RNF182: variants seen among roughly 807,000 people sequenced by gnomAD.
RNF182 encodes the protein ring finger protein 182, also known as E3 ubiquitin-protein ligase RNF182.
RNF182 carries 15 observed loss-of-function variants against 14.4 expected under a neutral mutation model. The ratio of observed to expected loss-of-function variants is 1.04; its 90% CI spans 0.70 to 1.60. The LOEUF is 1.60. Ranked by LOEUF, RNF182 falls within the 40% of genes most tolerant of loss-of-function variation. RNF182 has a pLI of 0.00. For synonymous variants in RNF182, 128 were observed against 122.9 expected (o/e 1.04, Z -0.27); for missense variants, 268 against 294.8 (o/e 0.91, Z 0.67).
intron 1 of RNF182, 28 bp from the exon 2 acceptor site, chr6:13,974,182 A>G (rs1483306424): frequency 6.6e-6 from 1 of 152,042 alleles, no homozygotes; most frequent in African/African-American, 2.4e-5. Context: ...AAGAGGAACA[A>G]TCACCATGCT....
chr6:13,966,575 C>A (rs541103462), intron 1 of RNF182, among the ~76,000 whole-genome samples: 2 of 152,178 alleles, frequency 1.3e-5, no homozygotes, highest in East Asian at 3.9e-4. Context: ...CCAGCCTGGG[C>A]AACATGGCAA....
chr6:13,968,295 A>G (rs1180804513), intron 1 of RNF182, among the ~76,000 whole-genome samples: 1 of 152,208 alleles, frequency 6.6e-6, no homozygotes, highest in Non-Finnish European at 1.5e-5. Flanking sequence ...GGAACTCTAC[A>G]GCAATGAATT....
chr6:13,956,770 T>C (rs767059928), intron 1 of RNF182, among the ~76,000 whole-genome samples: 7 of 152,198 alleles, frequency 4.6e-5, no homozygotes, highest in Non-Finnish European at 7.3e-5. Flanking sequence ...ACGGCTGAGC[T>C]CTTTTTCTCT....
intron 2 of RNF182, among the ~76,000 whole-genome samples, chr6:13,975,663 T>C (rs1453297250): frequency 6.6e-6 from 1 of 152,198 alleles, no homozygotes; most frequent in Admixed American, 6.5e-5. Flanking sequence ...TTTAAAGTTA[T>C]CCAGATTCAG....
intron 1 of RNF182, among the ~76,000 whole-genome samples, chr6:13,963,207 C>T (rs1170685728): frequency 2.0e-5 from 3 of 152,100 alleles, no homozygotes; most frequent in Non-Finnish European, 4.4e-5. Flanking sequence ...TGGAAGAATA[C>T]ATAGAAACTG....
intron 1 of RNF182, among the ~76,000 whole-genome samples, chr6:13,934,936 G>A (rs1471689926): frequency 6.6e-6 from 1 of 152,170 alleles, no homozygotes; most frequent in African/African-American, 2.4e-5. Flanking sequence ...AGACAGGAGA[G>A]TCAGATGAAA....
intron 1 of RNF182, among the ~76,000 whole-genome samples, chr6:13,935,063 G>A (rs767962862): frequency 6.6e-6 from 1 of 152,180 alleles, no homozygotes; most frequent in Non-Finnish European, 1.5e-5. Context: ...TGTAGAGATG[G>A]TCTGGGAAAG....
chr6:13,945,014 A>G (rs942413647), intron 1 of RNF182, among the ~76,000 whole-genome samples: 11 of 152,238 alleles, frequency 7.2e-5, no homozygotes, highest in Non-Finnish European at 1.5e-4. Context: ...GAGTGAGAAC[A>G]TAAGAGTGTT....
chr6:13,955,069 G>T (rs548834559), intron 1 of RNF182, among the ~76,000 whole-genome samples: 10 of 152,300 alleles, frequency 6.6e-5, no homozygotes, highest in African/African-American at 2.2e-4. Flanking sequence ...GATAATTATT[G>T]TGTAGGTTAG....
rs1250163292 is a variant in RNF182, at chr6:13,979,583, A to T, written c.*1720A>T. 1.8e-5 allele frequency: 3 copies of T among 166,952 alleles called. No homozygotes were observed. The East Asian group carries it at 5.8e-4, about 32-fold the overall frequency. 10.3% of individuals were successfully genotyped at this position (166,952 alleles called of 1,614,324 possible). ...AGCTAAATACATTTATGATTTCATA[A>T]AATCTAGTTTAGATAGCATTGTGAT... is the stretch of plus-strand genomic sequence containing the variant. On this transcript the variant is annotated 3_prime_UTR_variant, in exon 3 of 3. Coordinates refer to ENST00000488300, the MANE Select transcript of RNF182 (RefSeq NM_152737.4).
In RNF182 at chr6:13,974,328, A is replaced by T. The variant is rs1376478515; in HGVS notation, c.-248A>T. ...GGACTTGATGAAGGCTTTCCTGCTG[A>T]TGGAATAGGTTTGCTAGAGCTGGCC... On this transcript the variant is annotated 5_prime_UTR_variant, in exon 2 of 3. An upstream start codon of the reference 5' UTR is lost. Coordinates refer to ENST00000488300, the MANE Select transcript of RNF182 (RefSeq NM_152737.4). 1.3e-5 allele frequency: 2 copies of T among 152,146 alleles called. No individual in the cohort carries two copies. The highest frequency in any genetic ancestry group is 2.1e-4 in the South Asian group (1 of 4,828). 9.4% of individuals were successfully genotyped at this position (152,146 alleles called of 1,614,324 possible).
At chr6:13,969,105 T>TG (rs1554127321) in intron 1 of RNF182, among the ~76,000 whole-genome samples, 30 of 151,170 alleles carry the variant, frequency 2.0e-4, no homozygotes, top group African/African-American at 4.1e-4. Context: ...GTCTCTGTTT[T>TG]TTGTTGTTGT....
chr6:13,964,663 G>C (rs73364317), intron 1 of RNF182, among the ~76,000 whole-genome samples: 2,237 of 152,186 alleles, frequency 0.015, 47 homozygotes, highest in African/African-American at 0.049. Flanking sequence ...TTCCTTCCTA[G>C]GCTTGGCTGG....
In RNF182 at chr6:13,978,072, TC is replaced by T; in HGVS notation, c.*210del. ...TAGGGGTTAGCAAAATTGTATAAGC[TC>T]ACACTTCATGGAGCACTGACAGCAG... On this transcript the variant is annotated 3_prime_UTR_variant, in exon 3 of 3. Transcript: ENST00000488300. The T allele has an allele frequency of 1.1e-5, 6 of 539,032 alleles. No homozygotes were observed. The highest frequency in any genetic ancestry group is 5.5e-5 in the South Asian group (2 of 36,520). The allele number at this position is 539,032 out of a possible 1,614,324, so 33.4% of individuals were successfully genotyped here. A position where few individuals can be genotyped will look rare whatever the true frequency, so the allele number is the denominator to read the frequency against.
At chr6:13,936,386 A>G (rs1585031237) in intron 1 of RNF182, among the ~76,000 whole-genome samples, 1 of 152,258 alleles carries the variant, frequency 6.6e-6, no homozygotes, top group Non-Finnish European at 1.5e-5. Context: ...AGCTTAAAGC[A>G]TTTTAGAACT....
At chr6:13,938,699 T>G (rs150388766) in intron 1 of RNF182, among the ~76,000 whole-genome samples, 17 of 152,326 alleles carry the variant, frequency 1.1e-4, no homozygotes, top group Admixed American at 4.6e-4. Context: ...ATTGAAAATA[T>G]TATCTCTTCT....
At chr6:13,976,757 G>A (rs1243343162) in intron 2 of RNF182, among the ~76,000 whole-genome samples, 152 bp from the exon 3 acceptor site, 1 of 152,192 alleles carries the variant, frequency 6.6e-6, no homozygotes, top group African/African-American at 2.4e-5. Flanking sequence ...TTCCGTTCCA[G>A]GGACAGAAGT....
At chr6:13,937,463 G>C (rs953757687) in intron 1 of RNF182, among the ~76,000 whole-genome samples, 9 of 152,142 alleles carry the variant, frequency 5.9e-5, no homozygotes, top group Admixed American at 1.3e-4. Flanking sequence ...CCAACTATTT[G>C]GGATATTCAT....
At chr6:13,945,849 G>A (rs1364614193) in intron 1 of RNF182, among the ~76,000 whole-genome samples, 1 of 152,152 alleles carries the variant, frequency 6.6e-6, no homozygotes, top group Admixed American at 6.5e-5. Context: ...GACCTCAAGA[G>A]AGGGTTCTTG....
Sources: gnomAD v4.1 joint callset for allele counts (sites outside exome capture counted in the v4.1 genomes callset) on GRCh38, gnomAD v4.1.1 for gene constraint, MANE v1.5 for transcripts, NCBI Gene and HGNC (gene_info 2026-07-23, HGNC 2026-07-21) for gene names.